Variants in SLC22A4 observed in about 807,000 individuals in gnomAD.
SLC22A4 encodes ET transporter.
In SLC22A4, 39 loss-of-function variants were observed where a neutral mutation model predicts 56.6. That is an observed-to-expected ratio of 0.69 (90% CI 0.53 to 0.90). The LOEUF is 0.90. Ranked by LOEUF, SLC22A4 falls within the 40% of genes least tolerant of loss-of-function variation. SLC22A4 has a pLI of 0.00. For synonymous variants in SLC22A4, 241 were observed against 281.4 expected (o/e 0.86, Z 1.44); for missense variants, 594 against 696.5 (o/e 0.85, Z 1.66).
At chr5:132,318,428 C>T (rs1750427394) in intron 3 of SLC22A4, among the ~76,000 whole-genome samples, 1 of 152,148 alleles carries the variant, frequency 6.6e-6, no homozygotes, top group Non-Finnish European at 1.5e-5. Context: ...AGGTTCTCCC[C>T]GTGCCAGATG....
At chr5:132,341,336 T>C (rs1462711889) in intron 9 of SLC22A4, among the ~76,000 whole-genome samples, 1 of 151,854 alleles carries the variant, frequency 6.6e-6, no homozygotes, top group Non-Finnish European at 1.5e-5. Context: ...GAGAATTGCT[T>C]GAACCCGGGA....
At chr5:132,316,858 C>T (rs1039901152) in intron 3 of SLC22A4, among the ~76,000 whole-genome samples, 3 of 152,156 alleles carry the variant, frequency 2.0e-5, no homozygotes, top group African/African-American at 2.4e-5. Context: ...ATTTTGTCTT[C>T]GCCTGTTTAG....
intron 4 of SLC22A4, chr5:132,324,519 C>G: frequency 2.1e-6 from 1 of 471,044 alleles, no homozygotes; most frequent in Non-Finnish European, 4.4e-6. Flanking sequence ...AGGACTTGCC[C>G]CAGACAGAGG....
chr5:132,334,831 C>T lies in SLC22A4; in HGVS notation c.1160C>T (p.Thr387Ile). The change falls in exon 7 of 10, where the codon ACA (threonine) becomes ATA (isoleucine). Residue 387 changes from threonine (T) to isoleucine (I), a missense_variant. By Grantham distance (89) the Thr-to-Ile change is moderately conservative. Transcript: ENST00000200652. The part of the protein sequence containing the change: ...SALIEIPAYI[T>I]AWLLLRTLPR... ...TTGATTGAAATTCCAGCTTACATTACAGCCTGGCTGCTATTGCGAACCCTG... is the reference window on the plus strand; with the variant it reads ...TTGATTGAAATTCCAGCTTACATTATAGCCTGGCTGCTATTGCGAACCCTG... 1 of 1,613,716 alleles carries T rather than the reference C, an allele frequency of 6.2e-7. No individual in the cohort carries two copies. The highest frequency in any genetic ancestry group is 8.5e-7 in the Non-Finnish European group (1 of 1,179,584).
intron 1 of SLC22A4, among the ~76,000 whole-genome samples, chr5:132,297,818 T>C (rs1347018237): frequency 2.6e-5 from 4 of 152,082 alleles, no homozygotes; most frequent in East Asian, 3.9e-4. Flanking sequence ...CATGAGGGCA[T>C]GTGACTGTAG....
intron 5 of SLC22A4, among the ~76,000 whole-genome samples, chr5:132,331,047 A>G (rs994647657): frequency 1.3e-5 from 2 of 152,124 alleles, no homozygotes; most frequent in African/African-American, 2.4e-5. Flanking sequence ...AATGACTACA[A>G]CAAGAGAAGT....
In SLC22A4 at chr5:132,335,953, C is replaced by T. The variant is rs779159133; in HGVS notation, c.1397C>T (p.Thr466Met). The T allele has an allele frequency of 1.9e-6, 3 of 1,614,168 alleles. No individual in the cohort carries two copies. Among genetic ancestry groups the T allele is most frequent in the East Asian group, 2.2e-5 (1 of 44,892 alleles). The change falls in exon 8 of 10, where the codon ACG becomes ATG. Residue 466 changes from threonine (T) to methionine (M), a missense_variant. Transcript: ENST00000200652. ...VRNMAVGVTS[T>M]ASRVGSIIAP... Reference sequence around the variant, plus strand: ...AACATGGCGGTGGGGGTCACATCCACGGCCTCCAGAGTGGGCAGCATCATT... The same window carrying T: ...AACATGGCGGTGGGGGTCACATCCATGGCCTCCAGAGTGGGCAGCATCATT...
chr5:132,296,252 C>T (rs1749773924), intron 1 of SLC22A4, among the ~76,000 whole-genome samples: 1 of 152,200 alleles, frequency 6.6e-6, no homozygotes, highest in Admixed American at 6.5e-5. Context: ...ATGGAATTCT[C>T]ATATATCGGA....
At chr5:132,296,821 T>A (rs1749789251) in intron 1 of SLC22A4, among the ~76,000 whole-genome samples, 1 of 152,194 alleles carries the variant, frequency 6.6e-6, no homozygotes, top group Non-Finnish European at 1.5e-5. Context: ...TGCTTTTCCA[T>A]TGCTCGCTGG....
At chr5:132,324,406 C>CTCTG (rs1394390777) in intron 4 of SLC22A4, 3 of 426,762 alleles carry the variant, frequency 7.0e-6, no homozygotes, top group Non-Finnish European at 1.5e-5. Context: ...AAGGTCCATC[C>CTCTG]CACAGGGAGC....
At chr5:132,301,804 C>T (rs4646193) in intron 1 of SLC22A4, among the ~76,000 whole-genome samples, 13 of 152,018 alleles carry the variant, frequency 8.6e-5, no homozygotes, top group Non-Finnish European at 1.8e-4. Context: ...GAAAACCTTC[C>T]GTGATAGGCA....
intron 8 of SLC22A4, among the ~76,000 whole-genome samples, chr5:132,338,066 G>A (rs1205249829): frequency 6.6e-6 from 1 of 152,008 alleles, no homozygotes; most frequent in East Asian, 1.9e-4. Context: ...TTCTTTAATG[G>A]TGTATATCGG....
chr5:132,315,019 G>A (rs906386419), intron 3 of SLC22A4, among the ~76,000 whole-genome samples: 1 of 152,216 alleles, frequency 6.6e-6, no homozygotes, highest in African/African-American at 2.4e-5. Flanking sequence ...GATCATTTGT[G>A]TAGAGGGCAC....
chr5:132,318,848 GAT>G (rs1750439499), intron 3 of SLC22A4, among the ~76,000 whole-genome samples: 1 of 152,172 alleles, frequency 6.6e-6, no homozygotes, highest in Non-Finnish European at 1.5e-5. Context: ...AGAAGAGGCA[GAT>G]AGAGCATAGG....
chr5:132,322,663 C>T (rs1324092073), intron 4 of SLC22A4, among the ~76,000 whole-genome samples: 2 of 152,088 alleles, frequency 1.3e-5, no homozygotes, highest in East Asian at 3.8e-4. Flanking sequence ...TTAACTCTGC[C>T]CCCTGCTCTT....
At chr5:132,340,792 A>AT in intron 9 of SLC22A4, 92 bp downstream of exon 9, 2 of 1,225,788 alleles carry the variant, frequency 1.6e-6, no homozygotes, top group South Asian at 2.4e-5. Flanking sequence ...TAGAAGAGTA[A>AT]TAAGTAGAGA....
rs1033208701 is a variant in SLC22A4 at position 132,327,200 on chromosome 5, T to C, written c.825-77T>C. On this transcript the variant is annotated intron_variant, in intron 4 of 9. Coordinates refer to ENST00000200652, the MANE Select transcript of SLC22A4 (RefSeq NM_003059.3). Reference sequence around the variant, plus strand: ...CTAGAATTTTACAAAATTAAAACTATTTGGGGGAAACTCAGATTTAATAGT... The same window carrying C: ...CTAGAATTTTACAAAATTAAAACTACTTGGGGGAAACTCAGATTTAATAGT... 4.3e-6 allele frequency: 5 copies of C among 1,170,404 alleles called. No individual in the cohort carries two copies. In the Admixed American group the frequency reaches 7.6e-5, roughly 18 times the overall value. The allele number at this position is 1,170,404 out of a possible 1,614,324, so 72.5% of individuals were successfully genotyped here.
chr5:132,297,997 TG>T (rs896610837), intron 1 of SLC22A4, among the ~76,000 whole-genome samples: 40 of 152,222 alleles, frequency 2.6e-4, no homozygotes, highest in African/African-American at 9.6e-4. Flanking sequence ...CAAGTGTTAG[TG>T]AGGATGTAGA....
chr5:132,300,819 G>A (rs542846367), intron 1 of SLC22A4, among the ~76,000 whole-genome samples: 3 of 152,348 alleles, frequency 2.0e-5, no homozygotes, highest in Non-Finnish European at 4.4e-5. Flanking sequence ...AGTTGAGCAG[G>A]AACGCAAGCA....
Sources: allele counts gnomAD v4.1 joint callset (sites outside exome capture counted in the v4.1 genomes callset), GRCh38; gene constraint gnomAD v4.1.1; transcripts MANE v1.5; gene names NCBI Gene and HGNC (gene_info 2026-07-23, HGNC 2026-07-21).